The following FRMD4A variants were observed in gnomAD, a reference collection of about 807,000 sequenced individuals.
FRMD4A encodes the protein FERM domain containing 4A, also known as FERM domain-containing protein 4A.
In FRMD4A, 29 loss-of-function variants were observed where a neutral mutation model predicts 129.1. The ratio of observed to expected loss-of-function variants is 0.22; its 90% confidence interval spans 0.17 to 0.31. FRMD4A has a LOEUF of 0.31. Among genes scored for constraint, FRMD4A ranks in the 10% least tolerant of loss-of-function variants. The pLI is 1.00. For missense variants in FRMD4A, 1,272 were observed against 1,375.8 expected (o/e 0.92, Z 1.19); for synonymous variants, 634 against 571.6 (o/e 1.11, Z -1.56).
At chr10:13,979,682 C>T (rs2095553867) in intron 2 of FRMD4A, among the ~76,000 whole-genome samples, 1 of 140,644 alleles carries the variant, frequency 7.1e-6, no homozygotes, top group African/African-American at 2.6e-5. Context: ...GTTTTCAATG[C>T]TCTATTCATT....
At chr10:13,661,411 C>T (rs1409151024) in intron 19 of FRMD4A, among the ~76,000 whole-genome samples, 2 of 152,082 alleles carry the variant, frequency 1.3e-5, no homozygotes, top group Non-Finnish European at 2.9e-5. Flanking sequence ...GGGCAGGGTA[C>T]CAGCTGCAGG....
At chr10:14,132,871 T>A (rs1467228613) in intron 2 of FRMD4A, among the ~76,000 whole-genome samples, 1 of 152,084 alleles carries the variant, frequency 6.6e-6, no homozygotes, top group African/African-American at 2.4e-5. Context: ...TGCCCCAGGG[T>A]GATCTACTCA....
Position 13,937,512 on chromosome 10 carries a change from G to A in FRMD4A, c.46-78600C>T, listed in dbSNP as rs563397767. ...TAAATATGATCACCGATAAAGAGGG[G>A]TGCCTTTTAGGTTTAGACCCGCCTC... On this transcript the variant is annotated intron_variant, in intron 2 of 24. Transcript: ENST00000357447. Among the ~76,000 whole-genome samples, 3 of 152,238 alleles carry A rather than the reference G, an allele frequency of 2.0e-5. No homozygotes were observed. The South Asian group carries it at 6.2e-4, about 32-fold the overall frequency.
intron 6 of FRMD4A, among the ~76,000 whole-genome samples, chr10:13,782,697 C>T (rs2092767344): frequency 6.6e-6 from 1 of 152,214 alleles, no homozygotes; most frequent in South Asian, 2.1e-4. Flanking sequence ...CCGCCTCGGC[C>T]TCCCAAAGTG....
intron 2 of FRMD4A, among the ~76,000 whole-genome samples, chr10:14,224,373 A>G (rs937571698): frequency 1.3e-5 from 2 of 152,158 alleles, no homozygotes; most frequent in African/African-American, 4.8e-5. Context: ...TGACCTGCAT[A>G]TGTGTCCACC....
intron 2 of FRMD4A, among the ~76,000 whole-genome samples, chr10:13,919,469 A>G (rs888831536): frequency 6.6e-6 from 1 of 152,224 alleles, no homozygotes; most frequent in Admixed American, 6.5e-5. Flanking sequence ...ACTGGACTTA[A>G]GAGTGTAGAA....
chr10:14,127,644 T>C (rs934864639), intron 2 of FRMD4A, among the ~76,000 whole-genome samples: 1 of 152,206 alleles, frequency 6.6e-6, no homozygotes, highest in East Asian at 1.9e-4. Context: ...ACTGTGGGAA[T>C]GGCTATCTTT....
chr10:13,988,505 C>T (rs1287223635), intron 2 of FRMD4A, among the ~76,000 whole-genome samples: 1 of 152,140 alleles, frequency 6.6e-6, no homozygotes, highest in African/African-American at 2.4e-5. Flanking sequence ...ACAGTCACTA[C>T]TAATTTTGTC....
chr10:13,743,530 A>T (rs1279678996), intron 9 of FRMD4A, among the ~76,000 whole-genome samples: 1 of 152,160 alleles, frequency 6.6e-6, no homozygotes, highest in African/African-American at 2.4e-5. Context: ...CCATGAACAC[A>T]CAGAAGGCTC....
At chr10:14,214,602 A>G (rs1843019074) in intron 2 of FRMD4A, among the ~76,000 whole-genome samples, 1 of 152,070 alleles carries the variant, frequency 6.6e-6, no homozygotes, top group African/African-American at 2.4e-5. Flanking sequence ...TTTCTACCAT[A>G]TTTTTCTAAA....
intron 3 of FRMD4A, among the ~76,000 whole-genome samples, chr10:13,839,790 C>T (rs769219048): frequency 2.2e-4 from 33 of 152,340 alleles, no homozygotes; most frequent in Non-Finnish European, 4.6e-4. Flanking sequence ...GGACTCCTAA[C>T]ACCAGAGTGA....
intron 2 of FRMD4A, among the ~76,000 whole-genome samples, chr10:14,077,279 T>C (rs1320908238): frequency 6.6e-6 from 1 of 152,224 alleles, no homozygotes; most frequent in African/African-American, 2.4e-5. Flanking sequence ...ATAAATGCTG[T>C]TCTCACTGTC....
intron 2 of FRMD4A, among the ~76,000 whole-genome samples, chr10:14,144,115 C>T (rs1273211090): frequency 3.3e-5 from 5 of 152,182 alleles, no homozygotes; most frequent in Admixed American, 2.0e-4. Flanking sequence ...GCTGTCTACA[C>T]GCTCCTGAGG....
At chr10:14,198,747 T>C (rs1220931736) in intron 2 of FRMD4A, among the ~76,000 whole-genome samples, 1 of 152,230 alleles carries the variant, frequency 6.6e-6, no homozygotes, top group Non-Finnish European at 1.5e-5. Context: ...TGCGTTATCT[T>C]ATAGCTTTCC....
intron 12 of FRMD4A, among the ~76,000 whole-genome samples, chr10:13,713,876 G>GTAATATATACACATATATA (rs2088347680): frequency 2.0e-4 from 2 of 10,026 alleles, no homozygotes; most frequent in African/African-American, 9.3e-4. Context: ...ATACATATAT[G>GTAATATATACACATATATA]TAATATATAT....
In FRMD4A at chr10:13,821,899, C is replaced by T. The variant is rs2093634362; in HGVS notation, c.112-10991G>A. ...TTGGTTACCAGCATAGGTGAGGTGGCCCCGAAGTGCCCGCCACACCTCCAT... is the reference window on the plus strand; with the variant it reads ...TTGGTTACCAGCATAGGTGAGGTGGTCCCGAAGTGCCCGCCACACCTCCAT... On this transcript the variant is annotated intron_variant, in intron 3 of 24. Transcript: ENST00000357447. The surrounding 1 kb of genome is among the most constrained non-coding windows in gnomAD (Gnocchi z 4.3). Among the ~76,000 whole-genome samples, 1 of 152,098 alleles carries T rather than the reference C, an allele frequency of 6.6e-6. No homozygotes were observed. Among genetic ancestry groups the T allele is most frequent in the African/African-American group, 2.4e-5 (1 of 41,396 alleles).
chr10:13,695,112 T>C (rs189516101), intron 14 of FRMD4A, among the ~76,000 whole-genome samples: 1 of 152,108 alleles, frequency 6.6e-6, no homozygotes, highest in Non-Finnish European at 1.5e-5. Flanking sequence ...TATGTTCACA[T>C]TGACATTCCT....
intron 2 of FRMD4A, among the ~76,000 whole-genome samples, chr10:14,107,220 A>C (rs1479601979): frequency 1.3e-5 from 2 of 152,172 alleles, no homozygotes; most frequent in African/African-American, 4.8e-5. Flanking sequence ...GAGGGAAGGG[A>C]CAAGGGTTGA....
intron 2 of FRMD4A, among the ~76,000 whole-genome samples, chr10:14,062,400 C>T (rs17154547): frequency 0.022 from 3,308 of 152,074 alleles, 39 homozygotes; most frequent in African/African-American, 0.04. Context: ...CAGCCATGGA[C>T]GTGTAGAAAG....
Sources: allele counts gnomAD v4.1 joint callset (sites outside exome capture counted in the v4.1 genomes callset), GRCh38; gene constraint gnomAD v4.1.1; non-coding constraint Gnocchi (gnomAD v3.1); transcripts MANE v1.5; gene names NCBI Gene and HGNC (gene_info 2026-07-23, HGNC 2026-07-21).